SSBP3: variants seen among roughly 807,000 people sequenced by gnomAD.
SSBP3 encodes single stranded DNA binding protein 3.
A neutral mutation model predicts 69.6 loss-of-function variants in SSBP3; 5 were observed. That is an observed-to-expected ratio of 0.07 (90% CI 0.04 to 0.15). The LOEUF (loss-of-function observed/expected upper bound fraction) is 0.15, where lower values mean the gene tolerates loss of function less well. Ranked by LOEUF, SSBP3 falls within the 10% of genes least tolerant of loss-of-function variation. The pLI, the probability that SSBP3 is intolerant of heterozygous loss-of-function variation, is 1.00. For missense variants in SSBP3, 312 were observed against 534.0 expected (o/e 0.58, Z 4.10); for synonymous variants, 196 against 193.4 (o/e 1.01, Z -0.11).
At chr1:54,351,750 C>T (rs1283997792) in intron 4 of SSBP3, among the ~76,000 whole-genome samples, 1 of 152,176 alleles carries the variant, frequency 6.6e-6, no homozygotes, top group African/African-American at 2.4e-5. Context: ...CTCGCTGGGC[C>T]TTTATGGGAG....
At position 54,299,793 on chromosome 1, in the gene SSBP3, A is replaced by G. The variant is rs114516251; in HGVS notation, c.277-18266T>C. Among the ~76,000 whole-genome samples, 399 of 152,212 alleles carry G rather than the reference A, an allele frequency of 2.6e-3. 1 individual carries two copies. The highest frequency in any genetic ancestry group is 9.4e-3 in the African/African-American group (390 of 41,526). Reference sequence around the variant, plus strand: ...CCTTAATCTACTTCTTTCTCCAAACAGATCAAACCCAGATCGCTCACACGG... The same window carrying G: ...CCTTAATCTACTTCTTTCTCCAAACGGATCAAACCCAGATCGCTCACACGG... On this transcript the variant is annotated intron_variant, in intron 4 of 17. Coordinates refer to ENST00000610401, the Ensembl canonical transcript of SSBP3.
intron 9 of SSBP3, among the ~76,000 whole-genome samples, chr1:54,246,416 T>C (rs186473151): frequency 6.6e-6 from 1 of 152,314 alleles, no homozygotes; most frequent in Non-Finnish European, 1.5e-5. Context: ...TGGAGTTCTT[T>C]TCCAGGACTG....
chr1:54,370,883 C>G (rs559020969), intron 4 of SSBP3, among the ~76,000 whole-genome samples: 2 of 151,986 alleles, frequency 1.3e-5, no homozygotes, highest in East Asian at 3.9e-4. Flanking sequence ...ACGGTTCCCC[C>G]GTCATACAAG....
chr1:54,398,872 G>C (rs1442072092), intron 4 of SSBP3, among the ~76,000 whole-genome samples: 1 of 152,118 alleles, frequency 6.6e-6, no homozygotes, highest in Admixed American at 6.5e-5. Flanking sequence ...CTGGTATCCA[G>C]GCTGCACAAA....
chr1:54,248,707 G>C (rs1037431158), intron 9 of SSBP3, among the ~76,000 whole-genome samples: 1 of 152,148 alleles, frequency 6.6e-6, no homozygotes, highest in Admixed American at 6.5e-5. Context: ...AACCTTGTCT[G>C]GGCCCAGTGC....
chr1:54,238,280 A>AC (rs373690278), intron 14 of SSBP3: 4 of 470,970 alleles, frequency 8.5e-6, no homozygotes, highest in Middle Eastern at 3.2e-4. Flanking sequence ...AAAAGGCCCT[A>AC]CCCCCTCAAC....
rs567556530 is a variant in SSBP3, at chr1:54,318,677, T to C, written c.277-37150A>G. 7.2e-5 allele frequency among the ~76,000 whole-genome samples: 11 copies of C among 152,206 alleles called. No individual in the cohort carries two copies. The East Asian group carries it at 7.7e-4, about 11-fold the overall frequency. On this transcript the variant is annotated intron_variant, in intron 4 of 17. Coordinates refer to ENST00000610401, the Ensembl canonical transcript of SSBP3. ...GACTGCCAGGAGAGGAATGTGTCCA[T>C]AGCCTGCTCTCCCAGGTCCCCTTCA...
At position 54,341,502 on chromosome 1, in the gene SSBP3, A is replaced by C. The variant is rs562537871; in HGVS notation, c.277-59975T>G. Among the ~76,000 whole-genome samples, 3 of 152,224 alleles carry C rather than the reference A, an allele frequency of 2.0e-5. No homozygotes were observed. The East Asian group carries it at 5.8e-4, about 29-fold the overall frequency. Reference sequence around the variant, plus strand: ...GAGAATAGATGCCGACCTGCCATCCATTCATTCCACAAGGATTTACTGAGC... The same window carrying C: ...GAGAATAGATGCCGACCTGCCATCCCTTCATTCCACAAGGATTTACTGAGC... On this transcript the variant is annotated intron_variant, in intron 4 of 17. Coordinates refer to ENST00000610401, the Ensembl canonical transcript of SSBP3.
At chr1:54,251,549 A>C (rs545712965) in intron 9 of SSBP3, 67 bp downstream of exon 9, 23 of 1,481,118 alleles carry the variant, frequency 1.6e-5, no homozygotes, top group East Asian at 4.9e-5. Flanking sequence ...CAGAGCATGG[A>C]AACAGGAGAG....
At chr1:54,399,560 G>A (rs149534502) in intron 4 of SSBP3, among the ~76,000 whole-genome samples, 3 of 152,308 alleles carry the variant, frequency 2.0e-5, no homozygotes, top group Non-Finnish European at 4.4e-5. Flanking sequence ...ATGAAGGCGT[G>A]ATCACAGAAT....
chr1:54,249,707 A>T (rs1382343678), intron 9 of SSBP3, among the ~76,000 whole-genome samples: 2 of 113,804 alleles, frequency 1.8e-5, no homozygotes, highest in South Asian at 2.8e-4. Flanking sequence ...TTTATTTTTT[A>T]AAAAATTTAA....
At chr1:54,324,943 C>T (rs1318399722) in intron 4 of SSBP3, among the ~76,000 whole-genome samples, 1 of 152,134 alleles carries the variant, frequency 6.6e-6, no homozygotes, top group Non-Finnish European at 1.5e-5. Flanking sequence ...GGGAGGGAGC[C>T]AGGCAGAAAG....
chr1:54,352,767 G>C (rs1035026992), intron 4 of SSBP3, among the ~76,000 whole-genome samples: 1 of 152,156 alleles, frequency 6.6e-6, no homozygotes, highest in Non-Finnish European at 1.5e-5. Flanking sequence ...CAAAACCTCA[G>C]AACTCCCATC....
At chr1:54,280,275 G>A (rs1303836952) in intron 5 of SSBP3, among the ~76,000 whole-genome samples, 1 of 152,180 alleles carries the variant, frequency 6.6e-6, no homozygotes, top group Non-Finnish European at 1.5e-5. Context: ...CTCACCTAGA[G>A]GGAAACCCCT....
At chr1:54,277,643 A>T (rs1645313897) in intron 5 of SSBP3, among the ~76,000 whole-genome samples, 1 of 152,250 alleles carries the variant, frequency 6.6e-6, no homozygotes, top group Admixed American at 6.5e-5. Context: ...AACACTATGT[A>T]ACTGAAAACA....
intron 4 of SSBP3, among the ~76,000 whole-genome samples, chr1:54,318,916 T>C (rs1646163779): frequency 6.6e-6 from 1 of 152,220 alleles, no homozygotes; most frequent in Non-Finnish European, 1.5e-5. Flanking sequence ...CACCTTTCCC[T>C]GCTATGATTT....
chr1:54,235,675 T>C (rs903990918), intron 14 of SSBP3, among the ~76,000 whole-genome samples: 4 of 151,936 alleles, frequency 2.6e-5, no homozygotes, highest in African/African-American at 9.7e-5. Context: ...CTGGAACTCC[T>C]GACCTCAAGT....
intron 5 of SSBP3, among the ~76,000 whole-genome samples, chr1:54,271,547 G>A (rs2100820539): frequency 6.6e-6 from 1 of 152,316 alleles, no homozygotes; most frequent in Non-Finnish European, 1.5e-5. Flanking sequence ...GGATCACACT[G>A]CCAGCCAAGT....
intron 4 of SSBP3, among the ~76,000 whole-genome samples, chr1:54,314,928 G>C (rs762880067): frequency 2.6e-5 from 4 of 152,162 alleles, no homozygotes; most frequent in Non-Finnish European, 5.9e-5. Context: ...AGGGGGAAGG[G>C]AGCTGAAAAT....
Sources: gnomAD v4.1 joint callset for allele counts (sites outside exome capture counted in the v4.1 genomes callset) on GRCh38, gnomAD v4.1.1 for gene constraint, MANE v1.5 for transcripts, NCBI Gene and HGNC (gene_info 2026-07-23, HGNC 2026-07-21) for gene names.